GRID1: variants seen among roughly 807,000 people sequenced by gnomAD.
The protein encoded by GRID1 is glutamate ionotropic receptor delta type subunit 1.
Under a neutral mutation model 98.0 loss-of-function variants are expected in GRID1, and 28 were observed. The ratio of observed to expected loss-of-function variants is 0.29; its 90% CI spans 0.21 to 0.39. The LOEUF (loss-of-function observed/expected upper bound fraction) is 0.39, where lower values mean the gene tolerates loss of function less well. Among genes scored for constraint, GRID1 ranks in the 10% least tolerant of loss-of-function variants. GRID1 has a pLI of 1.00. For missense variants in GRID1, 1,111 were observed against 1,340.5 expected (o/e 0.83, Z 2.67); for synonymous variants, 553 against 538.5 (o/e 1.03, Z -0.37).
intron 4 of GRID1, among the ~76,000 whole-genome samples, chr10:86,049,196 C>G (rs1268178029): frequency 6.6e-6 from 1 of 152,182 alleles, no homozygotes; most frequent in Non-Finnish European, 1.5e-5. Context: ...TGCTGAGTGT[C>G]TGAGCAATTG....
intron 2 of GRID1, among the ~76,000 whole-genome samples, chr10:86,291,138 G>A (rs1189941518): frequency 2.0e-5 from 3 of 152,222 alleles, no homozygotes; most frequent in East Asian, 1.9e-4. Context: ...ATGGGCCACA[G>A]GCACAAGGCC....
chr10:86,261,764 G>A (rs751185939), intron 2 of GRID1, among the ~76,000 whole-genome samples: 3 of 148,436 alleles, frequency 2.0e-5, no homozygotes, highest in Non-Finnish European at 4.5e-5. Flanking sequence ...GGGCATTGAG[G>A]TGGCACACAC....
chr10:85,674,016 A>ATT (rs1305248304), intron 12 of GRID1, among the ~76,000 whole-genome samples: 1 of 152,122 alleles, frequency 6.6e-6, no homozygotes, highest in South Asian at 2.1e-4. Context: ...TAATGGATCC[A>ATT]TTTTTTTAAC....
chr10:85,694,833 A>T (rs2132615203), intron 12 of GRID1, among the ~76,000 whole-genome samples: 1 of 151,746 alleles, frequency 6.6e-6, no homozygotes, highest in Non-Finnish European at 1.5e-5. Context: ...GAGGGAGGTG[A>T]CAATGAGAAA....
intron 3 of GRID1, among the ~76,000 whole-genome samples, chr10:86,156,838 G>A (rs751682939): frequency 4.6e-5 from 7 of 152,336 alleles, no homozygotes; most frequent in South Asian, 4.1e-4. Flanking sequence ...TAAAGTTGTG[G>A]AAGGACATAA....
At chr10:85,965,776 A>C (rs1039800433) in intron 4 of GRID1, among the ~76,000 whole-genome samples, 3 of 148,606 alleles carry the variant, frequency 2.0e-5, no homozygotes, top group African/African-American at 7.4e-5. Flanking sequence ...CCCAGAACTT[A>C]AAATATAATA....
intron 12 of GRID1, among the ~76,000 whole-genome samples, chr10:85,678,674 C>T (rs76185451): frequency 0.033 from 4,958 of 152,228 alleles, 128 homozygotes; most frequent in Middle Eastern, 0.048. Flanking sequence ...TCTGGCTACC[C>T]TCTGTCTAAA....
chr10:85,819,050 G>A (rs759906776), intron 8 of GRID1, among the ~76,000 whole-genome samples: 3 of 151,822 alleles, frequency 2.0e-5, no homozygotes, highest in Non-Finnish European at 4.4e-5. Context: ...CTCAAAGATT[G>A]GCATAAAAAA....
At chr10:86,280,125 C>G (rs1002782473) in intron 2 of GRID1, among the ~76,000 whole-genome samples, 1 of 152,122 alleles carries the variant, frequency 6.6e-6, no homozygotes, top group Non-Finnish European at 1.5e-5. Context: ...ATTGCTTGAG[C>G]CCAGGAGGTC....
intron 8 of GRID1, among the ~76,000 whole-genome samples, chr10:85,753,671 A>G (rs1408151561): frequency 6.6e-6 from 1 of 152,212 alleles, no homozygotes; most frequent in African/African-American, 2.4e-5. Flanking sequence ...GACTTCACTT[A>G]AGCACTTTTA....
At chr10:85,609,862 A>C (rs987700808) in intron 15 of GRID1, among the ~76,000 whole-genome samples, 1 of 152,194 alleles carries the variant, frequency 6.6e-6, no homozygotes, top group African/African-American at 2.4e-5. Flanking sequence ...CATCCCCCAT[A>C]AATCTAGCGA....
chr10:85,707,145 C>G (rs1841529724), intron 12 of GRID1, among the ~76,000 whole-genome samples: 1 of 152,038 alleles, frequency 6.6e-6, no homozygotes, highest in East Asian at 1.9e-4. Flanking sequence ...TTCTGCACAG[C>G]AAAAGAAACT....
chr10:86,002,115 C>A (rs895465461), intron 4 of GRID1, among the ~76,000 whole-genome samples: 5 of 152,312 alleles, frequency 3.3e-5, no homozygotes, highest in Admixed American at 1.3e-4. Flanking sequence ...CCCTCATGAG[C>A]TCATTTTAAC....
chr10:86,025,860 C>T (rs796361384), intron 4 of GRID1, among the ~76,000 whole-genome samples: 1 of 152,186 alleles, frequency 6.6e-6, no homozygotes, highest in Non-Finnish European at 1.5e-5. Context: ...CCTAGAACTC[C>T]AGTAAAATTG....
At chr10:85,940,950 C>A (rs1204712794) in intron 4 of GRID1, among the ~76,000 whole-genome samples, 3 of 152,186 alleles carry the variant, frequency 2.0e-5, no homozygotes, top group African/African-American at 7.2e-5. Flanking sequence ...TTGCTATAAA[C>A]CAAGACTGAC....
In GRID1 at chr10:85,832,330, TTAA is replaced by T. The variant is rs536954293; in HGVS notation, c.1233+22163_1233+22165del. 2.5e-3 allele frequency among the ~76,000 whole-genome samples: 381 copies of T among 152,228 alleles called. 4 individuals carry two copies. Among genetic ancestry groups the T allele is most frequent in the Middle Eastern group, 0.01 (3 of 294 alleles). On this transcript the variant is annotated intron_variant, in intron 8 of 15. Transcript: ENST00000327946. ...ATAAGAGCCCCAGCATTCAATAGTC[TTAA>T]TAATAAGACTATTGAATACTAAAAC...
intron 4 of GRID1, among the ~76,000 whole-genome samples, chr10:85,995,450 A>C (rs944527144): frequency 7.9e-5 from 12 of 152,204 alleles, no homozygotes; most frequent in Non-Finnish European, 1.0e-4. Context: ...AAACTATGCA[A>C]GGGGAAAATG....
intron 3 of GRID1, among the ~76,000 whole-genome samples, chr10:86,159,761 C>T (rs1265380815): frequency 6.6e-6 from 1 of 152,194 alleles, no homozygotes; most frequent in Non-Finnish European, 1.5e-5. Flanking sequence ...CACCCCTTAC[C>T]AACCATTTGG....
intron 14 of GRID1, among the ~76,000 whole-genome samples, chr10:85,618,250 C>T (rs1204363504): frequency 6.6e-6 from 1 of 152,122 alleles, no homozygotes; most frequent in Non-Finnish European, 1.5e-5. Context: ...GGCCCCTGTG[C>T]TTCCATGAGC....
Sources: allele counts gnomAD v4.1 joint callset (sites outside exome capture counted in the v4.1 genomes callset), GRCh38; gene constraint gnomAD v4.1.1; transcripts MANE v1.5; gene names NCBI Gene and HGNC (gene_info 2026-07-23, HGNC 2026-07-21).